BANP: variants seen among roughly 807,000 people sequenced by gnomAD.
The protein encoded by BANP is protein BANP.
BANP carries 11 observed loss-of-function variants against 68.1 expected under a neutral mutation model. The ratio of observed to expected loss-of-function variants is 0.16; its 90% CI spans 0.10 to 0.27. BANP has a LOEUF of 0.27. BANP is among the 10% of genes least tolerant of loss of function. The pLI, the probability that BANP is intolerant of heterozygous loss-of-function variation, is 1.00. For missense variants in BANP, 504 were observed against 722.7 expected (o/e 0.70, Z 3.47); for synonymous variants, 329 against 303.2 (o/e 1.09, Z -0.88).
At chr16:87,998,146 C>T (rs1368039063) in intron 4 of BANP, among the ~76,000 whole-genome samples, 1 of 152,230 alleles carries the variant, frequency 6.6e-6, no homozygotes, top group African/African-American at 2.4e-5. Flanking sequence ...AAACAGTCTT[C>T]ACCCATGTCC....
In BANP at chr16:88,023,593, C is replaced by G. The variant is rs1174208150; in HGVS notation, c.896-3890C>G. On this transcript the variant is annotated intron_variant, in intron 7 of 13. Coordinates refer to ENST00000682872, the MANE Select transcript of BANP (RefSeq NM_001386991.1). ...GTGTTAGCAGGTGGGGCTCTTCATT[C>G]CTTTGTGACTGATAAAGCCCCATGC... 3.9e-5 allele frequency among the ~76,000 whole-genome samples: 6 copies of G among 152,206 alleles called. No individual in the cohort carries two copies. The South Asian group carries it at 1.2e-3, about 31-fold the overall frequency.
At chr16:87,953,262 C>G (rs2057347535) in intron 1 of BANP, among the ~76,000 whole-genome samples, 1 of 152,074 alleles carries the variant, frequency 6.6e-6, no homozygotes, top group African/African-American at 2.4e-5. Flanking sequence ...CAATGAAAGA[C>G]TTACAATGAA....
chr16:88,027,790 C>A, intron 8 of BANP, 140 bp downstream of exon 8: 6 of 1,036,314 alleles, frequency 5.8e-6, no homozygotes, highest in Non-Finnish European at 6.9e-6. Flanking sequence ...GCGGTGCGCA[C>A]GGAGCAGTGG....
At position 88,004,309 on chromosome 16, in the gene BANP, C is replaced by G. The variant is rs1357980218; in HGVS notation, c.377C>G (p.Thr126Ser). 2 of 1,545,838 alleles carry G rather than the reference C, an allele frequency of 1.3e-6. No individual in the cohort carries two copies. The highest frequency in any genetic ancestry group is 1.2e-5 in the South Asian group (1 of 83,960). ...CNKVRCVVPQ[T>S]TVILNNDRQN... is the part of the protein sequence containing the mutation. ...TTGTTCCCTAGCGTCGTCCCCCAGA[C>G]TACAGTAATACTCAACAATGATCGG... Residue 126 changes from threonine (T) to serine (S), a missense_variant, in exon 5 of 14, where the codon ACT becomes AGT. Physicochemically the swap from Thr to Ser is moderately conservative, Grantham distance 58. Transcript: ENST00000682872. The surrounding 1 kb of genome is among the most constrained non-coding windows in gnomAD (Gnocchi z 7.0).
chr16:88,073,740 A>G (rs1376434263), intron 13 of BANP, among the ~76,000 whole-genome samples: 3 of 152,168 alleles, frequency 2.0e-5, no homozygotes, highest in Non-Finnish European at 4.4e-5. Flanking sequence ...CGCCCAGGAA[A>G]CTAGATGTGG....
rs1422833460 is a variant in BANP at position 88,077,043 on chromosome 16, C to T, written c.*382C>T. ...AAAATCCCAGGGGAGTAGCAGGAGCCCTTTGCTGTGTGCTCTGTCCAGTGT... is the reference window on the plus strand; with the variant it reads ...AAAATCCCAGGGGAGTAGCAGGAGCTCTTTGCTGTGTGCTCTGTCCAGTGT... On this transcript the variant is annotated 3_prime_UTR_variant, in exon 14 of 14. Transcript: ENST00000682872. The T allele has an allele frequency of 1.7e-5, 4 of 238,536 alleles. No homozygotes were observed. The Admixed American group carries it at 2.1e-4, about 13-fold the overall frequency. 14.8% of individuals were successfully genotyped at this position (238,536 alleles called of 1,614,324 possible).
At position 87,998,784 on chromosome 16, in the gene BANP, G is replaced by A. The variant is rs568056676; in HGVS notation, c.363-5511G>A. On this transcript the variant is annotated intron_variant, in intron 4 of 13. Transcript: ENST00000682872. Reference sequence around the variant, plus strand: ...CCCAGACACGTCTCCATGCACGCACGTGCGCGGCTGTACTTACCTGTCCTT... The same window carrying A: ...CCCAGACACGTCTCCATGCACGCACATGCGCGGCTGTACTTACCTGTCCTT... 1.6e-4 allele frequency among the ~76,000 whole-genome samples: 21 copies of A among 129,098 alleles called. No individual in the cohort carries two copies. In the East Asian group the frequency reaches 3.1e-3, roughly 19 times the overall value. The allele number at this position is 129,098 out of a possible 152,430, so 84.7% of individuals were successfully genotyped here. A position where few individuals can be genotyped will look rare whatever the true frequency, so the allele number is the denominator to read the frequency against.
intron 6 of BANP, among the ~76,000 whole-genome samples, chr16:88,016,499 C>T (rs1285384862): frequency 1.3e-5 from 2 of 152,220 alleles, no homozygotes; most frequent in Admixed American, 6.5e-5. Context: ...TGCTGCTGAC[C>T]AGGGCCTGCG....
chr16:88,021,619 T>G (rs1028713634), intron 7 of BANP, among the ~76,000 whole-genome samples: 2 of 152,232 alleles, frequency 1.3e-5, no homozygotes, highest in African/African-American at 4.8e-5. Context: ...TTTCTTCCTG[T>G]GGCCCAGTTT....
Position 88,003,110 on chromosome 16 carries a change from A to G in BANP, c.363-1185A>G, listed in dbSNP as rs147890962. 2.2e-3 allele frequency among the ~76,000 whole-genome samples: 329 copies of G among 152,272 alleles called. 5 individuals carry two copies. Among genetic ancestry groups the G allele is most frequent in the Non-Finnish European group, 3.4e-3 (233 of 67,990 alleles). On this transcript the variant is annotated intron_variant, in intron 4 of 13. Transcript: ENST00000682872. This position sits in a 1 kb window ranked among gnomAD's most constrained non-coding sequence, Gnocchi z 6.1. ...GTAGGTGACTGTGGTGACCAAGCCAAAAGCCACCTGGGTTACTTTCCATAC... is the reference window on the plus strand; with the variant it reads ...GTAGGTGACTGTGGTGACCAAGCCAGAAGCCACCTGGGTTACTTTCCATAC...
At chr16:88,049,083 A>G (rs1567869322) in intron 11 of BANP, among the ~76,000 whole-genome samples, 1 of 152,000 alleles carries the variant, frequency 6.6e-6, no homozygotes, top group African/African-American at 2.4e-5. Context: ...CAAGCAGTGG[A>G]CACCAGCTGG....
intron 1 of BANP, among the ~76,000 whole-genome samples, chr16:87,963,906 C>G (rs1161772317): frequency 6.6e-6 from 1 of 152,146 alleles, no homozygotes; most frequent in Non-Finnish European, 1.5e-5. Flanking sequence ...CTTTTAATGG[C>G]TTTGTGGTTT....
In BANP at chr16:88,076,683, G is replaced by A. The variant is rs910064044; in HGVS notation, c.*22G>A. 2 of 1,597,466 alleles carry A rather than the reference G, an allele frequency of 1.3e-6. No individual in the cohort carries two copies. The highest frequency in any genetic ancestry group is 2.2e-5 in the South Asian group (2 of 90,470). On this transcript the variant is annotated 3_prime_UTR_variant, in exon 14 of 14. Coordinates refer to ENST00000682872, the MANE Select transcript of BANP (RefSeq NM_001386991.1). ...GTGAGCGGTGCCCATGGCACCAGGA[G>A]CCCCTCGCCGGCTCCGCCTACGGCC...
chr16:87,969,567 C>T (rs1459992925), intron 1 of BANP, among the ~76,000 whole-genome samples: 1 of 151,582 alleles, frequency 6.6e-6, no homozygotes, highest in Non-Finnish European at 1.5e-5. Flanking sequence ...GAGTCTCCCC[C>T]TGTCACCCAG....
chr16:88,065,971 G>GGT (rs1247595759), intron 12 of BANP, among the ~76,000 whole-genome samples: 2 of 152,158 alleles, frequency 1.3e-5, no homozygotes, highest in Non-Finnish European at 2.9e-5. Flanking sequence ...TAGGATTCTT[G>GGT]GTGGGGATGG....
intron 6 of BANP, among the ~76,000 whole-genome samples, chr16:88,010,713 C>G (rs1265124112): frequency 3.3e-5 from 5 of 152,250 alleles, no homozygotes; most frequent in Non-Finnish European, 5.9e-5. Flanking sequence ...CCGAGTCACA[C>G]ACATCGCAGT....
intron 4 of BANP, among the ~76,000 whole-genome samples, chr16:87,998,294 C>T (rs1225289873): frequency 6.6e-6 from 1 of 152,196 alleles, no homozygotes. Flanking sequence ...GTTGTGGGGG[C>T]AGTGAGTGGT....
At chr16:88,046,938 C>T (rs1386733833) in intron 11 of BANP, among the ~76,000 whole-genome samples, 1 of 151,742 alleles carries the variant, frequency 6.6e-6, no homozygotes, top group East Asian at 2.0e-4. Flanking sequence ...TGGGGGTGGG[C>T]GCCTGTACTC....
At chr16:87,960,441 A>G (rs535266813) in intron 1 of BANP, among the ~76,000 whole-genome samples, 1 of 152,182 alleles carries the variant, frequency 6.6e-6, no homozygotes, top group South Asian at 2.1e-4. Flanking sequence ...CACATCGTGT[A>G]TTGGCAGGGT....
Sources: gnomAD v4.1 joint callset for allele counts (sites outside exome capture counted in the v4.1 genomes callset) on GRCh38, gnomAD v4.1.1 for gene constraint, Gnocchi (gnomAD v3.1) non-coding constraint, MANE v1.5 for transcripts, NCBI Gene and HGNC (gene_info 2026-07-23, HGNC 2026-07-21) for gene names.